The following FECH variants were observed in gnomAD, a reference collection of about 807,000 sequenced individuals.
FECH encodes the protein ferrochelatase, also known as ferrochelatase, mitochondrial.
A neutral mutation model predicts 56.9 loss-of-function variants in FECH; 40 were observed. The ratio of observed to expected loss-of-function variants is 0.70; its 90% CI spans 0.55 to 0.92. The LOEUF is 0.92. FECH is among the 40% of genes least tolerant of loss of function. FECH has a pLI of 0.00. For missense variants in FECH, 431 were observed against 529.1 expected (o/e 0.81, Z 1.82); for synonymous variants, 175 against 198.6 (o/e 0.88, Z 1.00).
intron 2 of FECH, among the ~76,000 whole-genome samples, chr18:57,578,704 A>C (rs2051219610): frequency 6.6e-6 from 1 of 151,792 alleles, no homozygotes; most frequent in South Asian, 2.1e-4. Context: ...TCACGCCTGT[A>C]ATCTCAGCAC....
In FECH at chr18:57,545,227, T is replaced by G. The variant is rs1338811688; in HGVS notation, c.*5485A>C. 6.6e-6 allele frequency among the ~76,000 whole-genome samples: 1 copy of G among 152,208 alleles called. No homozygotes were observed. The highest frequency in any genetic ancestry group is 1.9e-4 in the East Asian group (1 of 5,196). On this transcript the variant is annotated 3_prime_UTR_variant, in exon 11 of 11. Transcript: ENST00000262093. Reference sequence around the variant, plus strand: ...ACCCAGATCTCTACCCAAGGGCTTATAACAAAGGCTCAAAGCAGGCTTTTT... The same window carrying G: ...ACCCAGATCTCTACCCAAGGGCTTAGAACAAAGGCTCAAAGCAGGCTTTTT...
At chr18:57,568,208 G>A (rs2269221) in intron 4 of FECH, among the ~76,000 whole-genome samples, 16,607 of 152,138 alleles carry the variant, frequency 0.11, 1,326 homozygotes, top group East Asian at 0.33. Flanking sequence ...CAGGTCAACC[G>A]GCTTCTCGCA....
At chr18:57,559,389 C>G (rs1457556214) in intron 6 of FECH, 146 bp from the exon 7 acceptor site, 2 of 637,738 alleles carry the variant, frequency 3.1e-6, no homozygotes, top group East Asian at 5.9e-5. Context: ...AAATTGCAAA[C>G]AGTCCAGCCT....
intron 2 of FECH, among the ~76,000 whole-genome samples, chr18:57,578,832 A>ATG (rs2051221899): frequency 6.6e-6 from 1 of 150,984 alleles, no homozygotes; most frequent in Non-Finnish European, 1.5e-5. Context: ...GGTGGCATGC[A>ATG]CCTGTAATCC....
rs1408182669 is a variant in FECH, at chr18:57,550,839, G to A, written c.1145C>T (p.Ala382Val). Reference protein sequence around the residue: ...NGNPLFSKALADLVHSHIQSN... With the variant: ...NGNPLFSKALVDLVHSHIQSN... Reference sequence around the variant, plus strand: ...CTGGATGTGTGAATGCACCAAGTCGGCCAGGGCCTGGAAGATAGACAAGAG... The same window carrying A: ...CTGGATGTGTGAATGCACCAAGTCGACCAGGGCCTGGAAGATAGACAAGAG... Residue 382 changes from alanine (A) to valine (V), a missense_variant, in exon 11 of 11, where the codon GCC becomes GTC. Transcript: ENST00000262093. The A allele has an allele frequency of 6.2e-7, 1 of 1,613,722 alleles. No homozygotes were observed. The highest frequency in any genetic ancestry group is 2.2e-5 in the East Asian group (1 of 44,878).
At chr18:57,579,351 T>G (rs1444124493) in intron 2 of FECH, among the ~76,000 whole-genome samples, 2 of 151,840 alleles carry the variant, frequency 1.3e-5, no homozygotes, top group African/African-American at 4.8e-5. Context: ...TCAAACAATG[T>G]GTGATCTAGC....
At chr18:57,567,216 G>A (rs1314030994) in intron 4 of FECH, among the ~76,000 whole-genome samples, 1 of 152,082 alleles carries the variant, frequency 6.6e-6, no homozygotes, top group Non-Finnish European at 1.5e-5. Flanking sequence ...AAAATTCATT[G>A]ATAACAAATG....
In FECH at chr18:57,552,303, T is replaced by C. The variant is rs58844664; in HGVS notation, c.1078-929A>G. Reference sequence around the variant, plus strand: ...CTAATAACTGAAAATGGTCTAATTATGATTTACTCAGGTAGTTAGGATTCT... The same window carrying C: ...CTAATAACTGAAAATGGTCTAATTACGATTTACTCAGGTAGTTAGGATTCT... On this transcript the variant is annotated intron_variant, in intron 9 of 10. Transcript: ENST00000262093. Among the ~76,000 whole-genome samples the C allele has an allele frequency of 4.4e-3, 666 of 152,280 alleles. 3 individuals are homozygous for C. The highest frequency in any genetic ancestry group is 0.015 in the African/African-American group (622 of 41,558).
intron 1 of FECH, among the ~76,000 whole-genome samples, chr18:57,586,346 T>A (rs1185131999): frequency 6.6e-6 from 1 of 152,200 alleles, no homozygotes; most frequent in Non-Finnish European, 1.5e-5. Context: ...GCCTCCTGGA[T>A]CCGGGCGCCC....
intron 5 of FECH, among the ~76,000 whole-genome samples, chr18:57,566,073 T>C (rs1410954196): frequency 6.6e-6 from 1 of 152,192 alleles, no homozygotes; most frequent in Non-Finnish European, 1.5e-5. Context: ...GCTTTCAAAA[T>C]GAGAACAGTT....
chr18:57,562,266 A>G (rs182642861), intron 6 of FECH, among the ~76,000 whole-genome samples: 30 of 152,356 alleles, frequency 2.0e-4, no homozygotes, highest in African/African-American at 6.7e-4. Flanking sequence ...TGACAGGCAG[A>G]AAAGAATATG....
At chr18:57,578,728 G>T (rs2051219935) in intron 2 of FECH, among the ~76,000 whole-genome samples, 1 of 151,916 alleles carries the variant, frequency 6.6e-6, no homozygotes, top group Non-Finnish European at 1.5e-5. Context: ...GGGAGGCCAA[G>T]GTGGGTGGAT....
intron 4 of FECH, among the ~76,000 whole-genome samples, chr18:57,568,585 A>T (rs2051049517): frequency 2.0e-5 from 3 of 152,144 alleles, no homozygotes; most frequent in Admixed American, 2.0e-4. Flanking sequence ...AGCCTCTCCG[A>T]TGTTAACCAG....
intron 3 of FECH, 136 bp from the exon 4 acceptor site, chr18:57,571,676 G>C: frequency 7.9e-7 from 1 of 1,263,730 alleles, no homozygotes; most frequent in South Asian, 1.3e-5. Flanking sequence ...ACAGAAGCTT[G>C]AGGTCATTGA....
In FECH at chr18:57,549,399, T is replaced by TA. The variant is rs1299503357; in HGVS notation, c.*1312dup. 1 of 142,732 alleles carries TA rather than the reference T, an allele frequency of 7.0e-6. No individual in the cohort carries two copies. Among genetic ancestry groups the TA allele is most frequent in the Non-Finnish European group, 1.5e-5 (1 of 66,520 alleles). 8.8% of individuals were successfully genotyped at this position (142,732 alleles called of 1,614,324 possible). The stretch of plus-strand genomic sequence containing the variant: ...CAATATAGAAGATTTATGAATCTCC[T>TA]AATACTTCCACTTTATAAACTGGCT... On this transcript the variant is annotated 3_prime_UTR_variant, in exon 11 of 11. Transcript: ENST00000262093.
At chr18:57,557,641 CA>C (rs1296410992) in intron 7 of FECH, among the ~76,000 whole-genome samples, 1 of 152,122 alleles carries the variant, frequency 6.6e-6, no homozygotes, top group South Asian at 2.1e-4. Flanking sequence ...ACTAAAAATA[CA>C]AAAAATTAGC....
At chr18:57,576,240 A>C (rs1183568986) in intron 2 of FECH, among the ~76,000 whole-genome samples, 1 of 152,226 alleles carries the variant, frequency 6.6e-6, no homozygotes, top group African/African-American at 2.4e-5. Flanking sequence ...TCACTGTCTT[A>C]GAGAAAGAGG....
In FECH at chr18:57,559,159, A is replaced by G; in HGVS notation, c.790T>C (p.Ser264Pro). The change falls in exon 7 of 11, where the codon TCA becomes CCA. Residue 264 changes from serine (S) to proline (P), a missense_variant. Transcript: ENST00000262093. ...TTCTTACTTACAGACATGGGCAGTG[A>G]GTGAGCAGAAAACAGAATGACCACC... ...SEVVILFSAH[S>P]LPMSVVNRGD... The G allele has an allele frequency of 6.2e-7, 1 of 1,611,288 alleles. No individual in the cohort carries two copies. Among genetic ancestry groups the G allele is most frequent in the Non-Finnish European group, 8.5e-7 (1 of 1,177,500 alleles).
intron 1 of FECH, among the ~76,000 whole-genome samples, chr18:57,583,206 C>G (rs1333438703): frequency 6.6e-6 from 1 of 152,192 alleles, no homozygotes; most frequent in East Asian, 1.9e-4. Context: ...AAAAGCGTCT[C>G]CTACCAAACA....
Sources: allele counts gnomAD v4.1 joint callset (sites outside exome capture counted in the v4.1 genomes callset), GRCh38; gene constraint gnomAD v4.1.1; transcripts MANE v1.5; gene names NCBI Gene and HGNC (gene_info 2026-07-23, HGNC 2026-07-21).